KIF26B: variants seen among roughly 807,000 people sequenced by gnomAD.
The protein encoded by KIF26B is kinesin-like protein KIF26B.
A neutral mutation model predicts 151.2 loss-of-function variants in KIF26B; 63 were observed. That is an observed-to-expected ratio of 0.42 (90% CI 0.34 to 0.51). The LOEUF is 0.51. Ranked by LOEUF, KIF26B falls within the 20% of genes least tolerant of loss-of-function variation. KIF26B has a pLI of 0.07. For missense variants in KIF26B, 2,813 were observed against 2,913.6 expected, an observed-to-expected ratio of 0.97 and a Z score of 0.79; for synonymous variants, 1,357 against 1,262.1, an observed-to-expected ratio of 1.08 and a Z score of -1.59.
chr1:245,659,412 A>C (rs1050633828), intron 10 of KIF26B, among the ~76,000 whole-genome samples: 4 of 152,172 alleles, frequency 2.6e-5, no homozygotes, highest in African/African-American at 9.7e-5. Flanking sequence ...TTGTGCCCGC[A>C]GGCTTCCTGT....
In KIF26B at chr1:245,367,898, T is replaced by C. The variant is rs1302390975; in HGVS notation, c.999+531T>C. ...CCAACACCTGCCATATAGTAGGGGA[T>C]CATTGTTGTGCCTGTTAACAGAGAT... On this transcript the variant is annotated intron_variant, in intron 3 of 14. Coordinates refer to ENST00000407071, the MANE Select transcript of KIF26B (RefSeq NM_018012.4). This position sits in a 1 kb window ranked among gnomAD's most constrained non-coding sequence, Gnocchi z 4.2. Among the ~76,000 whole-genome samples, 1 of 152,176 alleles carries C rather than the reference T, an allele frequency of 6.6e-6. No individual in the cohort carries two copies. The highest frequency in any genetic ancestry group is 1.9e-4 in the East Asian group (1 of 5,196).
rs142025363 is a variant in KIF26B, at chr1:245,648,909, C to T, written c.2258+2629C>T. On this transcript the variant is annotated intron_variant, in intron 10 of 14. Coordinates refer to ENST00000407071, the MANE Select transcript of KIF26B (RefSeq NM_018012.4). ...ACAAGACCCAATCCTGGAGCTGTCC[C>T]GTGGCCTGGTTGAGCTGTTGATGGC... is the stretch of plus-strand genomic sequence containing the variant. Among the ~76,000 whole-genome samples the T allele has an allele frequency of 7.0e-3, 1,069 of 152,268 alleles. 8 individuals are homozygous for T. The highest frequency in any genetic ancestry group is 0.014 in the Admixed American group (219 of 15,300).
intron 14 of KIF26B, among the ~76,000 whole-genome samples, chr1:245,699,369 C>CA (rs1453631590): frequency 6.6e-6 from 1 of 151,874 alleles, no homozygotes; most frequent in African/African-American, 2.4e-5. Flanking sequence ...TCCTAGGCCA[C>CA]AAAATCACAC....
intron 4 of KIF26B, among the ~76,000 whole-genome samples, chr1:245,526,941 C>G (rs1368882454): frequency 6.6e-6 from 1 of 152,192 alleles, no homozygotes; most frequent in Admixed American, 6.5e-5. Context: ...TACTTCTTTT[C>G]GGTTTCTCAT....
In KIF26B at chr1:245,264,593, C is replaced by A. The variant is rs1007827323; in HGVS notation, c.466-102241C>A. Among the ~76,000 whole-genome samples the A allele has an allele frequency of 3.6e-3, 540 of 150,038 alleles. 3 individuals carry two copies. Among genetic ancestry groups the A allele is most frequent in the African/African-American group, 0.012 (499 of 40,932 alleles). On this transcript the variant is annotated intron_variant, in intron 2 of 14. Transcript: ENST00000407071. The stretch of plus-strand genomic sequence containing the variant: ...TATTGTTCTTAAAAAAAAAACAAAA[C>A]AAAAAAAAACAGAGCCCCAGGCTGG...
At chr1:245,504,544 G>C (rs534210020) in intron 4 of KIF26B, among the ~76,000 whole-genome samples, 34 of 151,828 alleles carry the variant, frequency 2.2e-4, no homozygotes, top group Non-Finnish European at 4.0e-4. Context: ...GACCTCCTGG[G>C]CTCAAGCAAT....
At chr1:245,529,116 A>C (rs533928767) in intron 4 of KIF26B, among the ~76,000 whole-genome samples, 1 of 152,226 alleles carries the variant, frequency 6.6e-6, no homozygotes, top group South Asian at 2.1e-4. Flanking sequence ...GCTCCATCGG[A>C]GTCCCCGTCA....
rs1660321593 is a variant in KIF26B at position 245,488,107 on chromosome 1, G to A, written c.1167-52660G>A. 6.6e-6 allele frequency among the ~76,000 whole-genome samples: 1 copy of A among 152,048 alleles called. No homozygotes were observed. The highest frequency in any genetic ancestry group is 2.1e-4 in the South Asian group (1 of 4,814). On this transcript the variant is annotated intron_variant, in intron 4 of 14. Transcript: ENST00000407071. The surrounding 1 kb of genome is among the most constrained non-coding windows in gnomAD (Gnocchi z 4.6). ...CCGGCCATGTATCTTTTTAAGTACA[G>A]GTGGAGGTCTCATTATGTTGCACAG...
intron 2 of KIF26B, among the ~76,000 whole-genome samples, chr1:245,262,867 T>G (rs998572231): frequency 1.3e-5 from 2 of 152,362 alleles, no homozygotes; most frequent in African/African-American, 4.8e-5. Context: ...TCTATTCACA[T>G]GCAGCCTCAA....
intron 4 of KIF26B, among the ~76,000 whole-genome samples, chr1:245,432,318 G>T (rs1463781987): frequency 6.6e-6 from 1 of 151,984 alleles, no homozygotes. Flanking sequence ...TGTTTTCGGG[G>T]GATAGCATTG....
intron 4 of KIF26B, among the ~76,000 whole-genome samples, chr1:245,539,780 A>G (rs926837977): frequency 6.6e-5 from 10 of 152,002 alleles, no homozygotes; most frequent in South Asian, 6.3e-4. Flanking sequence ...AGCCTCCCGA[A>G]TAGCTGGGAT....
At chr1:245,312,844 C>T (rs1390350505) in intron 2 of KIF26B, among the ~76,000 whole-genome samples, 1 of 152,042 alleles carries the variant, frequency 6.6e-6, no homozygotes, top group East Asian at 1.9e-4. Context: ...ATAGTATCTG[C>T]AAGAGAACAA....
intron 2 of KIF26B, among the ~76,000 whole-genome samples, chr1:245,187,757 G>A (rs975492238): frequency 1.3e-5 from 2 of 152,138 alleles, no homozygotes; most frequent in African/African-American, 4.8e-5. Flanking sequence ...CACACTTTTC[G>A]TGGCTATAAG....
At chr1:245,497,677 A>G (rs768925441) in intron 4 of KIF26B, among the ~76,000 whole-genome samples, 2 of 152,180 alleles carry the variant, frequency 1.3e-5, no homozygotes, top group African/African-American at 2.4e-5. Context: ...ATATTAAATA[A>G]CTACTCCTAT....
chr1:245,361,345 T>A (rs1450024863), intron 2 of KIF26B, among the ~76,000 whole-genome samples: 13 of 152,238 alleles, frequency 8.5e-5, no homozygotes, highest in Admixed American at 8.5e-4. Flanking sequence ...TTTGGTTTCT[T>A]ATGTAGAAAA....
chr1:245,157,687 G>A (rs1035999598), intron 2 of KIF26B, among the ~76,000 whole-genome samples: 1 of 152,204 alleles, frequency 6.6e-6, no homozygotes. Context: ...AGGAGAATTG[G>A]TTTTATGAAT....
chr1:245,547,585 C>A (rs1269515270), intron 5 of KIF26B, among the ~76,000 whole-genome samples: 56 of 114,612 alleles, frequency 4.9e-4, no homozygotes, highest in Admixed American at 8.3e-4. Context: ...GACTCCATCT[C>A]AAAAAAAAAA....
chr1:245,413,200 C>T (rs779737715), intron 3 of KIF26B, among the ~76,000 whole-genome samples: 5 of 152,314 alleles, frequency 3.3e-5, no homozygotes, highest in Non-Finnish European at 2.9e-5. Flanking sequence ...GACACATACA[C>T]GTAACGAAGA....
At chr1:245,223,547 AT>A (rs895389013) in intron 2 of KIF26B, among the ~76,000 whole-genome samples, 58 of 151,912 alleles carry the variant, frequency 3.8e-4, no homozygotes, top group African/African-American at 1.2e-3. Flanking sequence ...CAATTATTCT[AT>A]TTTTTTTCCA....
Sources: gnomAD v4.1 joint callset for allele counts (sites outside exome capture counted in the v4.1 genomes callset) on GRCh38, gnomAD v4.1.1 for gene constraint, Gnocchi (gnomAD v3.1) non-coding constraint, MANE v1.5 for transcripts, NCBI Gene and HGNC (gene_info 2026-07-23, HGNC 2026-07-21) for gene names.